KMO: variants seen among roughly 807,000 people sequenced by gnomAD.
KMO encodes the protein kynurenine 3-monooxygenase.
A neutral mutation model predicts 57.8 loss-of-function variants in KMO; 24 were observed. The ratio of observed to expected loss-of-function variants is 0.42; its 90% CI spans 0.30 to 0.58. The LOEUF is 0.58. Ranked by LOEUF, KMO falls within the 20% of genes least tolerant of loss-of-function variation. KMO has a pLI of 0.22. For synonymous variants in KMO, 210 were observed against 193.6 expected (o/e 1.08, Z -0.70); for missense variants, 483 against 588.2 (o/e 0.82, Z 1.85).
At chr1:241,543,542 G>C (rs946808013) in intron 1 of KMO, among the ~76,000 whole-genome samples, 4 of 151,900 alleles carry the variant, frequency 2.6e-5, no homozygotes, top group African/African-American at 9.7e-5. Context: ...CCGCTTTTTT[G>C]TTTGTCTATT....
chr1:241,541,149 G>A (rs771351085), intron 1 of KMO, among the ~76,000 whole-genome samples: 100 of 152,178 alleles, frequency 6.6e-4, no homozygotes, highest in Admixed American at 2.8e-3. Flanking sequence ...TTAGAAAACG[G>A]TTGCAGTAGC....
chr1:241,549,380 GAA>G (rs970788792), intron 2 of KMO, among the ~76,000 whole-genome samples: 1 of 151,774 alleles, frequency 6.6e-6, no homozygotes, highest in Non-Finnish European at 1.5e-5. Flanking sequence ...TAGAAAGAAA[GAA>G]AAAGAATTGC....
At chr1:241,580,125 A>G (rs111636472) in intron 10 of KMO, among the ~76,000 whole-genome samples, 8 of 152,058 alleles carry the variant, frequency 5.3e-5, no homozygotes, top group African/African-American at 1.9e-4. Context: ...GGACTTAACA[A>G]TTTTTCACAT....
At chr1:241,532,523 A>ATT (rs1210163879) in intron 1 of KMO, 25 bp downstream of exon 1, 1 of 1,551,552 alleles carries the variant, frequency 6.4e-7, no homozygotes, top group Non-Finnish European at 8.8e-7. Flanking sequence ...ATGGATTACT[A>ATT]TTGTTGGTGG....
intron 10 of KMO, among the ~76,000 whole-genome samples, chr1:241,581,047 T>G (rs181090554): frequency 3.3e-4 from 50 of 152,264 alleles, no homozygotes; most frequent in African/African-American, 8.2e-4. Flanking sequence ...TATATTCTCT[T>G]ACCAAATTGA....
chr1:241,565,041 A>T lies in KMO; in HGVS notation c.670A>T (p.Ile224Phe). 1 of 1,598,564 alleles carries T rather than the reference A, an allele frequency of 6.3e-7. No individual in the cohort carries two copies. The highest frequency in any genetic ancestry group is 8.6e-7 in the Non-Finnish European group (1 of 1,166,356). Residue 224 changes from isoleucine to phenylalanine, a missense_variant, in exon 8 of 15, where the codon ATT (isoleucine) becomes TTT (phenylalanine). Transcript: ENST00000366559. ...TTGGCCTAGAAATACCTTTATGATGATTGCACTTCCTAACATGGTAGTATA... is the reference window on the plus strand; with the variant it reads ...TTGGCCTAGAAATACCTTTATGATGTTTGCACTTCCTAACATGGTAGTATA... ...HIWPRNTFMM[I>F]ALPNMNKSFT...
At chr1:241,585,184 G>A (rs1463082056) in intron 10 of KMO, among the ~76,000 whole-genome samples, 1 of 151,972 alleles carries the variant, frequency 6.6e-6, no homozygotes, top group Non-Finnish European at 1.5e-5. Flanking sequence ...AGCCGAGATT[G>A]TGCCACTGCA....
intron 1 of KMO, among the ~76,000 whole-genome samples, chr1:241,535,640 A>G (rs923026555): frequency 2.0e-5 from 3 of 152,220 alleles, no homozygotes; most frequent in Non-Finnish European, 2.9e-5. Context: ...TAAACCAGGT[A>G]AAGTTTAAAT....
At chr1:241,555,146 C>A (rs1661564823) in intron 4 of KMO, among the ~76,000 whole-genome samples, 1 of 152,146 alleles carries the variant, frequency 6.6e-6, no homozygotes, top group South Asian at 2.1e-4. Flanking sequence ...ACAACCAACA[C>A]ACACACACAC....
At chr1:241,573,809 G>A (rs1662400953) in intron 10 of KMO, among the ~76,000 whole-genome samples, 1 of 151,992 alleles carries the variant, frequency 6.6e-6, no homozygotes, top group African/African-American at 2.4e-5. Context: ...GAAAAGCGAT[G>A]TTGGTATTTT....
intron 1 of KMO, among the ~76,000 whole-genome samples, chr1:241,545,799 G>C (rs1661126331): frequency 1.3e-5 from 2 of 152,232 alleles, no homozygotes; most frequent in South Asian, 4.1e-4. Flanking sequence ...AGAGAGTGAA[G>C]CTGAGTGGAG....
chr1:241,590,476 T>C (rs190314283), intron 14 of KMO, among the ~76,000 whole-genome samples: 72 of 152,342 alleles, frequency 4.7e-4, no homozygotes, highest in Non-Finnish European at 7.8e-4. Flanking sequence ...AAGGGAAGAA[T>C]CTCAAGATAG....
At chr1:241,535,959 T>A (rs1660737604) in intron 1 of KMO, among the ~76,000 whole-genome samples, 1 of 152,232 alleles carries the variant, frequency 6.6e-6, no homozygotes, top group African/African-American at 2.4e-5. Context: ...TTCGTAGATC[T>A]AAAGATTATT....
chr1:241,580,891 A>C lies in KMO; in HGVS notation c.958-5788A>C, dbSNP rs1374486165. ...TTCTTACATACTTTTTCTTTATTTT[A>C]TGTCTTGATGATCTGTCCAAAGGTG... On this transcript the variant is annotated intron_variant, in intron 10 of 14. Transcript: ENST00000366559. Among the ~76,000 whole-genome samples the C allele has an allele frequency of 2.6e-5, 4 of 151,016 alleles. No individual in the cohort carries two copies. The East Asian group carries it at 5.8e-4, about 22-fold the overall frequency.
chr1:241,558,676 A>G (rs893109621), intron 5 of KMO, among the ~76,000 whole-genome samples: 1 of 151,558 alleles, frequency 6.6e-6, no homozygotes, highest in Non-Finnish European at 1.5e-5. Context: ...CTTTTATTAT[A>G]TTCTTGGTCT....
intron 14 of KMO, among the ~76,000 whole-genome samples, chr1:241,591,223 T>C (rs930405345): frequency 6.6e-6 from 1 of 152,038 alleles, no homozygotes; most frequent in African/African-American, 2.4e-5. Context: ...GGGATAGAAA[T>C]AGGCCAGGCA....
chr1:241,535,437 C>A (rs1490083366), intron 1 of KMO, among the ~76,000 whole-genome samples: 1 of 152,126 alleles, frequency 6.6e-6, no homozygotes, highest in Non-Finnish European at 1.5e-5. Context: ...TGGTAGCTTA[C>A]CATGTCTAGT....
Position 241,578,353 on chromosome 1 carries a change from C to G in KMO, c.958-8326C>G, listed in dbSNP as rs112329990. ...TTCCCACCAGCAGAAAGATGTGGGA[C>G]TCAAGTCCTGCTCTCCAGATTCTTT... On this transcript the variant is annotated intron_variant, in intron 10 of 14. Coordinates refer to ENST00000366559, the MANE Select transcript of KMO (RefSeq NM_003679.5). Among the ~76,000 whole-genome samples the G allele has an allele frequency of 1.2e-3, 190 of 152,264 alleles. 2 individuals carry two copies. Among genetic ancestry groups the G allele is most frequent in the African/African-American group, 3.8e-3 (159 of 41,550 alleles).
At position 241,566,630 on chromosome 1, in the gene KMO, C is replaced by A. The variant is rs747634066; in HGVS notation, c.809+18C>A. 2 of 1,612,644 alleles carry A rather than the reference C, an allele frequency of 1.2e-6. No individual in the cohort carries two copies. ...ATTGGAGAGTAAGTTGCAAGATGTG[C>A]CTTTTGCTCCATTTGTTTTAATTAT... On this transcript the variant is annotated intron_variant, in intron 9 of 14. Transcript: ENST00000366559.
Sources: gnomAD v4.1 joint callset for allele counts (sites outside exome capture counted in the v4.1 genomes callset) on GRCh38, gnomAD v4.1.1 for gene constraint, MANE v1.5 for transcripts, NCBI Gene and HGNC (gene_info 2026-07-23, HGNC 2026-07-21) for gene names.